PLCB1: variants seen among roughly 807,000 people sequenced by gnomAD.
PLCB1 encodes 1-phosphatidylinositol 4,5-bisphosphate phosphodiesterase beta-1.
A neutral mutation model predicts 161.8 loss-of-function variants in PLCB1; 46 were observed. The ratio of observed to expected loss-of-function variants is 0.28; its 90% CI spans 0.22 to 0.36. The LOEUF (loss-of-function observed/expected upper bound fraction) is 0.36. Ranked by LOEUF, PLCB1 falls within the 10% of genes least tolerant of loss-of-function variation. The pLI is 1.00. For missense variants in PLCB1, 1,016 were observed against 1,472.5 expected (o/e 0.69, Z 5.07); for synonymous variants, 517 against 503.7 (o/e 1.03, Z -0.35).
intron 3 of PLCB1, among the ~76,000 whole-genome samples, chr20:8,530,622 T>C (rs902158866): frequency 3.3e-5 from 5 of 152,154 alleles, no homozygotes; most frequent in South Asian, 2.1e-4. Flanking sequence ...GGTTAGGTTT[T>C]ACGAATGCCC....
chr20:8,555,156 T>A (rs1338020543), intron 3 of PLCB1, among the ~76,000 whole-genome samples: 2 of 152,008 alleles, frequency 1.3e-5, no homozygotes, highest in Non-Finnish European at 2.9e-5. Context: ...GCTGGTTTTA[T>A]CAGTGTTTTC....
intron 3 of PLCB1, among the ~76,000 whole-genome samples, chr20:8,624,262 A>G (rs1988268437): frequency 6.6e-6 from 1 of 152,200 alleles, no homozygotes; most frequent in African/African-American, 2.4e-5. Flanking sequence ...TGTAATTCAG[A>G]TTGAGAATAT....
chr20:8,164,142 G>A (rs1321559348), intron 2 of PLCB1, among the ~76,000 whole-genome samples: 6 of 152,170 alleles, frequency 3.9e-5, no homozygotes, highest in Admixed American at 3.9e-4. Context: ...GTGACTTTCA[G>A]GTGTCATTTT....
intron 31 of PLCB1, among the ~76,000 whole-genome samples, chr20:8,794,328 C>A (rs1983913196): frequency 6.6e-6 from 1 of 152,140 alleles, no homozygotes; most frequent in South Asian, 2.1e-4. Context: ...TTAGAGATTG[C>A]AGTAAAGACA....
intron 2 of PLCB1, among the ~76,000 whole-genome samples, chr20:8,248,295 C>G (rs1350206707): frequency 6.6e-6 from 1 of 151,902 alleles, no homozygotes; most frequent in African/African-American, 2.4e-5. Context: ...CCTGGGTGGG[C>G]TATCACCTCC....
At chr20:8,432,202 T>C (rs1327118801) in intron 3 of PLCB1, among the ~76,000 whole-genome samples, 1 of 152,120 alleles carries the variant, frequency 6.6e-6, no homozygotes, top group Non-Finnish European at 1.5e-5. Flanking sequence ...ACAGGGACGC[T>C]CCGCAAGGCC....
chr20:8,537,028 G>T (rs1387904278), intron 3 of PLCB1, among the ~76,000 whole-genome samples: 1 of 152,186 alleles, frequency 6.6e-6, no homozygotes, highest in Non-Finnish European at 1.5e-5. Context: ...TGTTAGCAGT[G>T]GAAGTTATTC....
intron 2 of PLCB1, among the ~76,000 whole-genome samples, chr20:8,180,140 G>C (rs1159906284): frequency 1.3e-5 from 2 of 152,012 alleles, no homozygotes; most frequent in African/African-American, 2.4e-5. Flanking sequence ...TTACAGGCGT[G>C]AGCCACCGCG....
chr20:8,559,478 T>C (rs1437944505), intron 3 of PLCB1, among the ~76,000 whole-genome samples: 3 of 151,936 alleles, frequency 2.0e-5, no homozygotes, highest in African/African-American at 7.2e-5. Context: ...CATAATTACT[T>C]TTAAATGTAA....
intron 9 of PLCB1, among the ~76,000 whole-genome samples, chr20:8,664,549 TAGAA>T (rs1178587226): frequency 3.3e-5 from 5 of 152,092 alleles, no homozygotes; most frequent in Admixed American, 2.6e-4. Flanking sequence ...CTGAGAGTGA[TAGAA>T]AGAGACTGGA....
At chr20:8,595,599 C>A (rs1400256668) in intron 3 of PLCB1, among the ~76,000 whole-genome samples, 4 of 147,700 alleles carry the variant, frequency 2.7e-5, no homozygotes, top group African/African-American at 9.9e-5. Context: ...GATTTATAGT[C>A]CTTTGGGTAT....
In PLCB1 at chr20:8,702,403, T is replaced by C. The variant is rs1273020357; in HGVS notation, c.1167+4620T>C. ...GCAGCTTCCTTTTAACCAGCAATTA[T>C]ATAAGATGGAAAACTGGATAATGTA... On this transcript the variant is annotated intron_variant, in intron 11 of 31. Transcript: ENST00000338037. Among the ~76,000 whole-genome samples the C allele has an allele frequency of 3.9e-5, 6 of 152,286 alleles. No homozygotes were observed. The South Asian group carries it at 6.2e-4, about 16-fold the overall frequency.
chr20:8,736,927 T>A, intron 19 of PLCB1, 101 bp from the exon 20 acceptor site: 2 of 844,108 alleles, frequency 2.4e-6, no homozygotes, highest in Non-Finnish European at 3.8e-6. Context: ...TAATTCAACA[T>A]TTGCTGAAGA....
intron 4 of PLCB1, among the ~76,000 whole-genome samples, chr20:8,640,462 T>C (rs1247378737): frequency 6.6e-6 from 1 of 152,224 alleles, no homozygotes; most frequent in African/African-American, 2.4e-5. Context: ...TTACATTTAT[T>C]GTCTATGGTA....
intron 27 of PLCB1, among the ~76,000 whole-genome samples, chr20:8,784,291 G>C (rs1463287155): frequency 2.0e-5 from 3 of 151,618 alleles, no homozygotes; most frequent in Non-Finnish European, 4.4e-5. Context: ...GGTCGGGCTC[G>C]GTGGCTCACA....
chr20:8,269,345 C>G (rs56241783), intron 2 of PLCB1, among the ~76,000 whole-genome samples: 1 of 151,898 alleles, frequency 6.6e-6, no homozygotes, highest in South Asian at 2.1e-4. Flanking sequence ...TTTGGTTTTT[C>G]GTTCTTGTGT....
chr20:8,330,691 A>G (rs1224142757), intron 2 of PLCB1, among the ~76,000 whole-genome samples: 2 of 152,236 alleles, frequency 1.3e-5, no homozygotes, highest in African/African-American at 2.4e-5. Context: ...AGAGTGTTCT[A>G]CAAGTCTGCT....
At chr20:8,831,914 CTTTCTT>C (rs1168314319) in intron 31 of PLCB1, among the ~76,000 whole-genome samples, 1 of 10,376 alleles carries the variant, frequency 9.6e-5, no homozygotes, top group Non-Finnish European at 2.1e-4. Context: ...CTTTCTTTCT[CTTTCTT>C]TCTTTCTTTC....
chr20:8,682,487 T>C (rs964584844), intron 9 of PLCB1, among the ~76,000 whole-genome samples: 1 of 152,216 alleles, frequency 6.6e-6, no homozygotes, highest in African/African-American at 2.4e-5. Context: ...AAACAAACTT[T>C]CCTTCTTATT....
Sources: allele counts gnomAD v4.1 joint callset (sites outside exome capture counted in the v4.1 genomes callset), GRCh38; gene constraint gnomAD v4.1.1; transcripts MANE v1.5; gene names NCBI Gene and HGNC (gene_info 2026-07-23, HGNC 2026-07-21).